The following PIK3C2G variants were observed in gnomAD, a reference collection of about 807,000 sequenced individuals.
PIK3C2G encodes phosphatidylinositol-4-phosphate 3-kinase catalytic subunit type 2 gamma.
A neutral mutation model predicts 181.1 loss-of-function variants in PIK3C2G; 168 were observed. That is an observed-to-expected ratio of 0.93 (90% CI 0.82 to 1.05). PIK3C2G has a LOEUF of 1.05. PIK3C2G is among the 50% of genes least tolerant of loss of function. PIK3C2G has a pLI of 0.00. For missense variants in PIK3C2G, 1,869 were observed against 1,732.8 expected (o/e 1.08, Z -1.40); for synonymous variants, 573 against 592.2 (o/e 0.97, Z 0.47).
In PIK3C2G at chr12:18,509,592, C is replaced by G. The variant is rs186485377; in HGVS notation, c.3323+4131C>G. ...AATTGAGTCAGCAAAGCCACTCTCT[C>G]ATTTGGAATCTATGCTCAGGTGTCC... On this transcript the variant is annotated intron_variant, in intron 24 of 32. Coordinates refer to ENST00000538779, the MANE Select transcript of PIK3C2G (RefSeq NM_001288772.2). Among the ~76,000 whole-genome samples, 175 of 152,304 alleles carry G rather than the reference C, an allele frequency of 1.1e-3. 2 individuals are homozygous for G. In the South Asian group the frequency reaches 0.019, roughly 17 times the overall value.
chr12:18,342,668 T>G (rs1362339791), intron 9 of PIK3C2G, among the ~76,000 whole-genome samples: 1 of 151,912 alleles, frequency 6.6e-6, no homozygotes, highest in Non-Finnish European at 1.5e-5. Context: ...CAGCAAATCC[T>G]AAGCCACCAA....
At chr12:18,358,834 T>C (rs537192868) in intron 11 of PIK3C2G, 36 of 193,758 alleles carry the variant, frequency 1.9e-4, no homozygotes, top group Middle Eastern at 4.5e-3. Flanking sequence ...CTCTGCAGAG[T>C]TGATGCCATA....
intron 6 of PIK3C2G, among the ~76,000 whole-genome samples, chr12:18,316,973 A>G (rs926384357): frequency 6.6e-6 from 1 of 151,848 alleles, no homozygotes; most frequent in African/African-American, 2.4e-5. Flanking sequence ...AGAATATGAA[A>G]AAGGCATTCC....
At chr12:18,374,436 C>T (rs1472287575) in intron 13 of PIK3C2G, among the ~76,000 whole-genome samples, 1 of 151,998 alleles carries the variant, frequency 6.6e-6, no homozygotes, top group African/African-American at 2.4e-5. Flanking sequence ...TCTCTCCTAT[C>T]CAAAAGACCC....
chr12:18,290,801 A>C, intron 3 of PIK3C2G, 54 bp from the exon 4 acceptor site: 1 of 1,133,864 alleles, frequency 8.8e-7, no homozygotes, highest in Admixed American at 2.1e-5. Flanking sequence ...ATATGTTTTA[A>C]ACTGTGTCTT....
intron 1 of PIK3C2G, among the ~76,000 whole-genome samples, chr12:18,262,443 C>G (rs946738752): frequency 1.3e-5 from 2 of 151,894 alleles, no homozygotes; most frequent in African/African-American, 4.8e-5. Flanking sequence ...TTATTAAGAG[C>G]TTGGATTTTA....
chr12:18,479,011 A>T lies in PIK3C2G; in HGVS notation c.2505-9438A>T, dbSNP rs557151462. On this transcript the variant is annotated intron_variant, in intron 18 of 32. Coordinates refer to ENST00000538779, the MANE Select transcript of PIK3C2G (RefSeq NM_001288772.2). ...AATATATATATATATGTATATATAT[A>T]TTTTTATATACACACACACATATAT... Among the ~76,000 whole-genome samples the T allele has an allele frequency of 8.4e-3, 1,243 of 148,214 alleles. 10 individuals are homozygous for T. Among genetic ancestry groups the T allele is most frequent in the Middle Eastern group, 0.018 (5 of 280 alleles).
chr12:18,484,252 C>T (rs1222547579), intron 18 of PIK3C2G, among the ~76,000 whole-genome samples: 1 of 152,126 alleles, frequency 6.6e-6, no homozygotes, highest in Non-Finnish European at 1.5e-5. Flanking sequence ...ATAATGAAAT[C>T]TACCACACAG....
chr12:18,703,568 A>T, the PIK3C2G span, among the ~76,000 whole-genome samples: 1 of 152,322 alleles, frequency 6.6e-6, no homozygotes, highest in Non-Finnish European at 1.5e-5. Context: ...CCTTAGAGAT[A>T]GAGAACCTTG....
the PIK3C2G span, among the ~76,000 whole-genome samples, chr12:18,660,090 G>A: frequency 2.0e-5 from 3 of 152,100 alleles, no homozygotes; most frequent in South Asian, 4.1e-4. Flanking sequence ...ATCTGTCTGA[G>A]GTAAATATTT....
upstream of PIK3C2G, among the ~76,000 whole-genome samples, chr12:18,258,707 A>G (rs1948173576): frequency 6.6e-6 from 1 of 150,454 alleles, no homozygotes; most frequent in Non-Finnish European, 1.5e-5. Flanking sequence ...ATCTATGTTG[A>G]TTCTTTGATA....
chr12:18,521,565 T>G (rs7970632), intron 24 of PIK3C2G, among the ~76,000 whole-genome samples: 54,610 of 152,090 alleles, frequency 0.36, 10,298 homozygotes, highest in African/African-American at 0.45. Flanking sequence ...GGCTGTGGGG[T>G]ATACCTCTTG....
chr12:18,325,346 T>C (rs1035116096), intron 8 of PIK3C2G, among the ~76,000 whole-genome samples: 1 of 152,142 alleles, frequency 6.6e-6, no homozygotes, highest in Non-Finnish European at 1.5e-5. Context: ...GTTTTATCCA[T>C]TTGAGCTGAA....
chr12:18,684,385 A>C, the PIK3C2G span: 3 of 1,078,914 alleles, frequency 2.8e-6, no homozygotes, highest in East Asian at 4.9e-5. Flanking sequence ...TTTAACAATA[A>C]TATCTTGTGT....
rs180713444 is a variant in PIK3C2G at position 18,394,762 on chromosome 12, A to C, written c.2126+3510A>C. Among the ~76,000 whole-genome samples, 742 of 152,082 alleles carry C rather than the reference A, an allele frequency of 4.9e-3. 15 individuals carry two copies. Among genetic ancestry groups the C allele is most frequent in the Admixed American group, 0.012 (186 of 15,268 alleles). On this transcript the variant is annotated intron_variant, in intron 15 of 32. Coordinates refer to ENST00000538779, the MANE Select transcript of PIK3C2G (RefSeq NM_001288772.2). ...AATTATCCCCCATGTTGAGGTACAA[A>C]AAGAAAATAAACCTTGAAAATAATG...
At chr12:18,476,385 G>A (rs958320226) in intron 18 of PIK3C2G, among the ~76,000 whole-genome samples, 13 of 152,072 alleles carry the variant, frequency 8.5e-5, no homozygotes, top group Admixed American at 6.6e-4. Context: ...TTAAAGACCC[G>A]AGAGAAACAA....
At chr12:18,684,316 A>G in the PIK3C2G span, 1 of 1,554,548 alleles carries the variant, frequency 6.4e-7, no homozygotes, top group Non-Finnish European at 8.8e-7. Flanking sequence ...AGAATAATAG[A>G]TACCATATCT....
At chr12:18,458,651 C>T (rs954093117) in intron 18 of PIK3C2G, among the ~76,000 whole-genome samples, 2 of 151,890 alleles carry the variant, frequency 1.3e-5, no homozygotes, top group Admixed American at 1.3e-4. Context: ...AGAGTGGGCC[C>T]AACTAATCAC....
chr12:18,383,817 T>G (rs1450059139), intron 14 of PIK3C2G, among the ~76,000 whole-genome samples: 1 of 151,586 alleles, frequency 6.6e-6, no homozygotes, highest in African/African-American at 2.4e-5. Context: ...GGGTGTTTTT[T>G]TTTTGAGACA....
Sources: allele counts gnomAD v4.1 joint callset (sites outside exome capture counted in the v4.1 genomes callset), GRCh38; gene constraint gnomAD v4.1.1; transcripts MANE v1.5; gene names NCBI Gene and HGNC (gene_info 2026-07-23, HGNC 2026-07-21).